ADAM23: variants seen among roughly 807,000 people sequenced by gnomAD.
ADAM23 encodes ADAM metallopeptidase domain 23.
ADAM23 carries 33 observed loss-of-function variants against 120.1 expected under a neutral mutation model. The observed-to-expected ratio is 0.27, with a 90% confidence interval of 0.21 to 0.37. ADAM23 has a LOEUF of 0.37. ADAM23 is among the 10% of genes least tolerant of loss of function. The pLI is 1.00. For synonymous variants in ADAM23, 367 were observed against 375.2 expected, an observed-to-expected ratio of 0.98 and a Z score of 0.25; for missense variants, 862 against 1,058.2, an observed-to-expected ratio of 0.81 and a Z score of 2.57.
intron 23 of ADAM23, 118 bp downstream of exon 23, chr2:206,595,023 A>G: frequency 7.4e-7 from 1 of 1,343,670 alleles, no homozygotes; most frequent in Non-Finnish European, 1.0e-6. Flanking sequence ...TCTACTAAAA[A>G]TGCAAAAAAT....
chr2:206,573,055 T>C lies in ADAM23; in HGVS notation c.1657-60T>C. 1.9e-6 allele frequency: 3 copies of C among 1,552,402 alleles called. No homozygotes were observed. In the South Asian group the frequency reaches 3.3e-5, roughly 17 times the overall value. On this transcript the variant is annotated intron_variant, in intron 17 of 25. Coordinates refer to ENST00000264377, the MANE Select transcript of ADAM23 (RefSeq NM_003812.4). ...GGCATTGTCGGTGAGTCTAAGAATG[T>C]TATAATAACTCTGAAATATTATGTA... is the stretch of plus-strand genomic sequence containing the variant.
chr2:206,466,552 G>A (rs1695545709), intron 2 of ADAM23, among the ~76,000 whole-genome samples: 1 of 152,042 alleles, frequency 6.6e-6, no homozygotes, highest in South Asian at 2.1e-4. Flanking sequence ...CATTTACTAG[G>A]ATTTTTTTAT....
At chr2:206,607,932 G>A (rs759426465) in intron 24 of ADAM23, 2 of 412,822 alleles carry the variant, frequency 4.8e-6, no homozygotes, top group Non-Finnish European at 9.3e-6. Flanking sequence ...CATTTTTCAT[G>A]AATTATGTGT....
At chr2:206,502,802 AAT>A (rs1350599782) in intron 3 of ADAM23, among the ~76,000 whole-genome samples, 1 of 152,156 alleles carries the variant, frequency 6.6e-6, no homozygotes, top group African/African-American at 2.4e-5. Flanking sequence ...ATTTACTAAA[AAT>A]AGTGTTATGC....
chr2:206,547,354 G>T, intron 6 of ADAM23, 75 bp from the exon 7 acceptor site: 1 of 1,231,006 alleles, frequency 8.1e-7, no homozygotes, highest in Non-Finnish European at 1.1e-6. Flanking sequence ...GGACATTAGA[G>T]AAAGTTCCAA....
At chr2:206,574,166 G>A (rs767806984) in intron 18 of ADAM23, among the ~76,000 whole-genome samples, 6 of 152,222 alleles carry the variant, frequency 3.9e-5, no homozygotes, top group East Asian at 1.9e-4. Context: ...TGTTAACAAC[G>A]TCATCTTCAT....
chr2:206,586,049 C>T (rs1033989837), intron 18 of ADAM23, among the ~76,000 whole-genome samples: 1 of 152,072 alleles, frequency 6.6e-6, no homozygotes, highest in African/African-American at 2.4e-5. Context: ...TCCAGAGCGA[C>T]AACGGGAAAG....
intron 15 of ADAM23, among the ~76,000 whole-genome samples, chr2:206,568,213 A>G (rs1346268015): frequency 6.6e-6 from 1 of 152,186 alleles, no homozygotes; most frequent in Non-Finnish European, 1.5e-5. Flanking sequence ...TATGGATACC[A>G]TAAATACACA....
intron 20 of ADAM23, 42 bp from the exon 21 acceptor site, chr2:206,589,367 G>T (rs1260285396): frequency 1.9e-6 from 3 of 1,558,062 alleles, no homozygotes; most frequent in South Asian, 2.3e-5. Context: ...GGATAACAAA[G>T]AAAATGAAAA....
intron 9 of ADAM23, among the ~76,000 whole-genome samples, chr2:206,553,353 T>G (rs560444235): frequency 1.3e-5 from 2 of 152,282 alleles, no homozygotes; most frequent in East Asian, 3.9e-4. Context: ...GGAGAATTGA[T>G]TGAACCCGGG....
intron 7 of ADAM23, 100 bp from the exon 8 acceptor site, chr2:206,548,181 A>G: frequency 9.5e-7 from 1 of 1,050,474 alleles, no homozygotes; most frequent in Non-Finnish European, 1.4e-6. Flanking sequence ...CCTTAGTTTG[A>G]CATATATTAT....
At chr2:206,567,530 G>A (rs1311510935) in intron 15 of ADAM23, among the ~76,000 whole-genome samples, 2 of 152,100 alleles carry the variant, frequency 1.3e-5, no homozygotes, top group African/African-American at 2.4e-5. Context: ...TCAGTCTCTG[G>A]TGTTTCAGTG....
Position 206,596,144 on chromosome 2 carries a change from A to C in ADAM23, c.2341A>C (p.Lys781Gln). ...RDPVRNLHPP[K>Q]DEGPKGPSAT... Reference sequence around the variant, plus strand: ...TCCAGTTAGGAACCTTCACCCCCCCAAGGATGAAGGACCCAAGGGTTTGTG... The same window carrying C: ...TCCAGTTAGGAACCTTCACCCCCCCCAGGATGAAGGACCCAAGGGTTTGTG... Residue 781 changes from lysine (K) to glutamine (Q), a missense_variant, in exon 24 of 26, where the codon AAG (lysine) becomes CAG (glutamine). Around this residue, in one of 4 missense-constraint regions of ADAM23, gnomAD observed 617 missense variants for 813.5 expected, o/e 0.76. Coordinates refer to ENST00000264377, the MANE Select transcript of ADAM23 (RefSeq NM_003812.4). The C allele has an allele frequency of 1.2e-6, 2 of 1,613,698 alleles. No individual in the cohort carries two copies. The highest frequency in any genetic ancestry group is 1.7e-6 in the Non-Finnish European group (2 of 1,179,720).
At chr2:206,511,992 G>A (rs1417920277) in intron 3 of ADAM23, among the ~76,000 whole-genome samples, 1 of 152,166 alleles carries the variant, frequency 6.6e-6, no homozygotes, top group Admixed American at 6.5e-5. Flanking sequence ...ACAAGGTAAC[G>A]AATGAGGTTC....
chr2:206,590,643 T>C (rs901451907), intron 21 of ADAM23, among the ~76,000 whole-genome samples: 2 of 152,226 alleles, frequency 1.3e-5, no homozygotes, highest in Admixed American at 6.5e-5. Context: ...TCTTTGATGA[T>C]GGATGAGGCC....
At chr2:206,579,649 A>G (rs774141593) in intron 18 of ADAM23, among the ~76,000 whole-genome samples, 46 of 152,304 alleles carry the variant, frequency 3.0e-4, no homozygotes, top group Non-Finnish European at 6.2e-4. Flanking sequence ...GTATAGTTTG[A>G]AATCAGGTAA....
intron 3 of ADAM23, among the ~76,000 whole-genome samples, chr2:206,512,499 T>C (rs989014280): frequency 1.3e-5 from 2 of 152,224 alleles, no homozygotes; most frequent in African/African-American, 4.8e-5. Context: ...AAAACTTTTG[T>C]ATAAAAATAG....
chr2:206,474,447 T>C (rs993532335), intron 2 of ADAM23, among the ~76,000 whole-genome samples: 1 of 152,176 alleles, frequency 6.6e-6, no homozygotes, highest in Non-Finnish European at 1.5e-5. Flanking sequence ...GAGGGAACTT[T>C]AGGGTGGGGT....
chr2:206,547,574 T>C (rs1412092546), intron 7 of ADAM23, 73 bp downstream of exon 7: 11 of 1,304,216 alleles, frequency 8.4e-6, no homozygotes, highest in African/African-American at 1.5e-5. Flanking sequence ...TCAGTAGATA[T>C]GCAGGCTTGT....
Sources: allele counts gnomAD v4.1 joint callset (sites outside exome capture counted in the v4.1 genomes callset), GRCh38; gene constraint gnomAD v4.1.1; regional missense constraint gnomAD v4.1.1; transcripts MANE v1.5; gene names NCBI Gene and HGNC (gene_info 2026-07-23, HGNC 2026-07-21).